The following CAST variants were observed in gnomAD, a reference collection of about 807,000 sequenced individuals.
CAST encodes MIR583 host.
Under a neutral mutation model 119.6 loss-of-function variants are expected in CAST, and 76 were observed. The ratio of observed to expected loss-of-function variants is 0.64; its 90% confidence interval spans 0.53 to 0.77. CAST has a LOEUF of 0.77. Ranked by LOEUF, CAST falls within the 30% of genes least tolerant of loss-of-function variation. The probability of loss-of-function intolerance (pLI) is 0.00; values close to 1 mark genes in which losing one functional copy is unlikely to be tolerated. For synonymous variants in CAST, 319 were observed against 331.6 expected (o/e 0.96, Z 0.41); for missense variants, 953 against 946.5 (o/e 1.01, Z -0.09).
intron 3 of CAST, among the ~76,000 whole-genome samples, chr5:96,703,131 ACACTGTTACTGCCC>A (rs1046501855): frequency 6.6e-6 from 1 of 152,132 alleles, no homozygotes; most frequent in African/African-American, 2.4e-5. Context: ...CTTGTCGGTA[ACACTGTTACTGCCC>A]CTTCCGCCGG....
chr5:96,727,564 G>T (rs1480275109), intron 6 of CAST, 34 bp downstream of exon 6: 4 of 1,386,932 alleles, frequency 2.9e-6, no homozygotes, highest in Non-Finnish European at 4.0e-6. Flanking sequence ...TAGTTATTTG[G>T]ATTCTTTTTA....
In CAST at chr5:96,712,405, C is replaced by G. The variant is rs1245815219; in HGVS notation, c.211-10234C>G. ...GGAGTGCAGTGGTGCAATCACGGGCCACTGCAGCCTTTATGTCCAGGCTCA... is the reference window on the plus strand; with the variant it reads ...GGAGTGCAGTGGTGCAATCACGGGCGACTGCAGCCTTTATGTCCAGGCTCA... On this transcript the variant is annotated intron_variant, in intron 3 of 31. Transcript: ENST00000675179. Among the ~76,000 whole-genome samples, 3 of 152,134 alleles carry G rather than the reference C, an allele frequency of 2.0e-5. No individual in the cohort carries two copies. The East Asian group carries it at 5.8e-4, about 29-fold the overall frequency.
the CAST span, among the ~76,000 whole-genome samples, chr5:96,108,177 C>A: frequency 1.3e-5 from 2 of 152,022 alleles, no homozygotes; most frequent in Admixed American, 6.6e-5. Context: ...GAATGTCCTC[C>A]CGTAGCTTGG....
chr5:96,014,164 TA>T, the CAST span, among the ~76,000 whole-genome samples: 1 of 151,594 alleles, frequency 6.6e-6, no homozygotes, highest in Non-Finnish European at 1.5e-5. Flanking sequence ...TTTTTACTTT[TA>T]AATTTTTTTT....
At chr5:96,595,905 T>C (rs939679569) in intron 1 of CAST, among the ~76,000 whole-genome samples, 3 of 152,084 alleles carry the variant, frequency 2.0e-5, no homozygotes, top group African/African-American at 7.2e-5. Flanking sequence ...AGAGAAGGCT[T>C]CCTGGAGGAG....
chr5:96,162,651 G>C, the CAST span, among the ~76,000 whole-genome samples: 1 of 151,970 alleles, frequency 6.6e-6, no homozygotes, highest in Non-Finnish European at 1.5e-5. Flanking sequence ...CTCCTGACCC[G>C]AGGTAATCCA....
At chr5:96,458,958 G>T in the CAST span, among the ~76,000 whole-genome samples, 10 of 152,162 alleles carry the variant, frequency 6.6e-5, no homozygotes, top group East Asian at 3.9e-4. Flanking sequence ...CTTTATTTAT[G>T]CATTCTAGGC....
the CAST span, among the ~76,000 whole-genome samples, chr5:96,452,640 T>TTA: frequency 1.9e-4 from 17 of 90,136 alleles, no homozygotes; most frequent in African/African-American, 7.1e-4. Flanking sequence ...TAAAGTATAA[T>TTA]AAAAAAAAAA....
the CAST span, among the ~76,000 whole-genome samples, chr5:96,093,621 A>G: frequency 6.6e-6 from 1 of 152,232 alleles, no homozygotes; most frequent in Non-Finnish European, 1.5e-5. Context: ...ATTTTGAGCT[A>G]CAGCGTATCT....
Position 96,534,743 on chromosome 5 carries a change from A to AGAGAG in CAST, c.60+4863_60+4864insGAGAG, listed in dbSNP as rs1554066267. Among the ~76,000 whole-genome samples, 294 of 56,572 alleles carry AGAGAG rather than the reference A, an allele frequency of 5.2e-3. 34 individuals are homozygous for AGAGAG. Among genetic ancestry groups the AGAGAG allele is most frequent in the African/African-American group, 0.018 (227 of 12,302 alleles). The allele number at this position is 56,572 out of a possible 152,430, so 37.1% of individuals were successfully genotyped here. A position where few individuals can be genotyped will look rare whatever the true frequency, so the allele number is the denominator to read the frequency against. The stretch of plus-strand genomic sequence containing the variant: ...AGAGAGAGAGAGAGAGAGAGAGAGA[A>AGAGAG]AGAAAGAAAGAAAGAAAGAAAGAAA... On this transcript the variant is annotated intron_variant, in intron 1 of 11. Coordinates refer to the CAST transcript ENST00000505143.
chr5:96,193,480 G>A, the CAST span, among the ~76,000 whole-genome samples: 1 of 152,112 alleles, frequency 6.6e-6, no homozygotes, highest in African/African-American at 2.4e-5. Context: ...TATTTGAATG[G>A]CAGCATTGAT....
the CAST span, among the ~76,000 whole-genome samples, chr5:96,486,201 G>C: frequency 6.6e-6 from 1 of 152,174 alleles, no homozygotes; most frequent in Admixed American, 6.5e-5. Context: ...AGCAAGGTGT[G>C]GGGATGTGCA....
At chr5:96,376,807 A>G in the CAST span, among the ~76,000 whole-genome samples, 1 of 152,146 alleles carries the variant, frequency 6.6e-6, no homozygotes, top group Non-Finnish European at 1.5e-5. Flanking sequence ...GTTAACTGTA[A>G]AACAGCCTCA....
chr5:96,297,735 T>G, the CAST span, among the ~76,000 whole-genome samples: 2 of 152,202 alleles, frequency 1.3e-5, no homozygotes, highest in Non-Finnish European at 2.9e-5. Context: ...TTATTCTTTT[T>G]TTTTCTTTAT....
chr5:96,353,491 A>C, the CAST span, among the ~76,000 whole-genome samples: 1 of 152,182 alleles, frequency 6.6e-6, no homozygotes, highest in African/African-American at 2.4e-5. Context: ...GGGTGTGCAC[A>C]TGAGGGTGTT....
At chr5:96,189,549 T>C in the CAST span, among the ~76,000 whole-genome samples, 15,584 of 152,152 alleles carry the variant, frequency 0.1, 992 homozygotes, top group East Asian at 0.21. Context: ...GATATTTTCT[T>C]CCTTTTTGCA....
intron 3 of CAST, among the ~76,000 whole-genome samples, chr5:96,722,228 C>T (rs774819714): frequency 3.9e-4 from 59 of 152,230 alleles, no homozygotes; most frequent in Non-Finnish European, 7.8e-4. Flanking sequence ...GGGGCTTGAA[C>T]AAAATTTTGT....
intron 16 of CAST, 72 bp from the exon 17 acceptor site, chr5:96,746,270 C>A: frequency 1.2e-6 from 1 of 868,968 alleles, no homozygotes; most frequent in South Asian, 1.3e-5. Flanking sequence ...TCGAGAAGTA[C>A]ACAGAGGAAG....
chr5:96,164,713 G>C, the CAST span, among the ~76,000 whole-genome samples: 1 of 152,212 alleles, frequency 6.6e-6, no homozygotes, highest in African/African-American at 2.4e-5. Context: ...AGCGTGCAGA[G>C]AGAAAAAGTG....
Sources: gnomAD v4.1 joint callset for allele counts (sites outside exome capture counted in the v4.1 genomes callset) on GRCh38, gnomAD v4.1.1 for gene constraint, MANE v1.5 for transcripts, NCBI Gene and HGNC (gene_info 2026-07-23, HGNC 2026-07-21) for gene names.